PEX14: variants seen among roughly 807,000 people sequenced by gnomAD.
PEX14 encodes the protein peroxisomal biogenesis factor 14, also known as peroxisomal membrane protein PEX14.
PEX14 carries 15 observed loss-of-function variants against 49.5 expected under a neutral mutation model. That is an observed-to-expected ratio of 0.30 (90% CI 0.20 to 0.47). The LOEUF is 0.47. PEX14 is among the 20% of genes least tolerant of loss of function. The pLI is 1.00. For missense variants in PEX14, 398 were observed against 494.8 expected (o/e 0.80, Z 1.86); for synonymous variants, 210 against 212.7 (o/e 0.99, Z 0.11).
At position 10,580,154 on chromosome 1, in the gene PEX14, CAT is replaced by C. The variant is rs1229686876; in HGVS notation, c.170-19079_170-19078del. 3.3e-5 allele frequency among the ~76,000 whole-genome samples: 5 copies of C among 152,204 alleles called. 1 individual carries two copies. The highest frequency in any genetic ancestry group is 1.2e-4 in the African/African-American group (5 of 41,538). ...TGTAGTGTTAGATTTATAGTATACTCATATATTTATATGTAATGAACATTTTA... is the reference window on the plus strand; with the variant it reads ...TGTAGTGTTAGATTTATAGTATACTCATATTTATATGTAATGAACATTTTA... On this transcript the variant is annotated intron_variant, in intron 3 of 8. Coordinates refer to ENST00000356607, the MANE Select transcript of PEX14 (RefSeq NM_004565.3).
At chr1:10,526,458 A>G (rs138416935) in intron 2 of PEX14, among the ~76,000 whole-genome samples, 1,921 of 152,246 alleles carry the variant, frequency 0.013, 49 homozygotes, top group African/African-American at 0.044. Flanking sequence ...ATCTCAGGTC[A>G]TCTGCCCACC....
chr1:10,527,449 GGAGTTT>G (rs1638521447), intron 2 of PEX14, among the ~76,000 whole-genome samples: 1 of 150,442 alleles, frequency 6.6e-6, no homozygotes, highest in South Asian at 2.1e-4. Context: ...CCCGGGAGGT[GGAGTTT>G]GCAGTGAGCC....
chr1:10,599,517 C>CATTTGT, intron 4 of PEX14, 151 bp downstream of exon 4: 1 of 858,834 alleles, frequency 1.2e-6, no homozygotes, highest in Non-Finnish European at 2.0e-6. Context: ...ATGTGACACA[C>CATTTGT]CCCAGTCTTC....
chr1:10,565,688 A>C (rs1281296413), intron 3 of PEX14, among the ~76,000 whole-genome samples: 2 of 152,234 alleles, frequency 1.3e-5, no homozygotes, highest in African/African-American at 4.8e-5. Flanking sequence ...TTATATTCTC[A>C]ACTTTGGATC....
chr1:10,595,073 C>T (rs1640799286), intron 3 of PEX14, among the ~76,000 whole-genome samples: 1 of 151,992 alleles, frequency 6.6e-6, no homozygotes, highest in Non-Finnish European at 1.5e-5. Context: ...AGATGCTTGG[C>T]CCAGCTCCTA....
intron 1 of PEX14, among the ~76,000 whole-genome samples, chr1:10,493,162 T>C (rs553512274): frequency 3.9e-5 from 6 of 152,318 alleles, no homozygotes; most frequent in Admixed American, 2.0e-4. Flanking sequence ...TGAGGCCTTG[T>C]AGGCCACGCT....
intron 1 of PEX14, among the ~76,000 whole-genome samples, chr1:10,484,142 C>A (rs1272479768): frequency 6.7e-6 from 1 of 150,224 alleles, no homozygotes; most frequent in Admixed American, 6.7e-5. Context: ...GATTCCCCTG[C>A]CCCAGCCTTC....
chr1:10,566,041 T>C (rs1639795092), intron 3 of PEX14, among the ~76,000 whole-genome samples: 1 of 152,260 alleles, frequency 6.6e-6, no homozygotes, highest in African/African-American at 2.4e-5. Flanking sequence ...CAGCATCTTA[T>C]AGGGTATTTG....
intron 3 of PEX14, among the ~76,000 whole-genome samples, chr1:10,551,640 A>C (rs1282818784): frequency 6.6e-6 from 1 of 152,210 alleles, no homozygotes; most frequent in Non-Finnish European, 1.5e-5. Flanking sequence ...GTGGTGAACC[A>C]AGAATATACA....
At chr1:10,621,058 C>T (rs528299939) in intron 5 of PEX14, among the ~76,000 whole-genome samples, 6 of 152,298 alleles carry the variant, frequency 3.9e-5, no homozygotes, top group South Asian at 2.1e-4. Context: ...GGCACTCACA[C>T]GGAGCTGCCA....
intron 4 of PEX14, 77 bp from the exon 5 acceptor site, chr1:10,618,255 G>T: frequency 9.2e-7 from 1 of 1,087,070 alleles, no homozygotes; most frequent in South Asian, 1.3e-5. Context: ...CTGTGCCACT[G>T]AGGCACCTGT....
intron 7 of PEX14, 52 bp downstream of exon 7, chr1:10,624,489 C>G (rs1641689439): frequency 8.2e-7 from 1 of 1,226,506 alleles, no homozygotes; most frequent in Middle Eastern, 1.9e-4. Context: ...GTCCCATGTG[C>G]CCTTCACTCT....
chr1:10,537,548 T>C (rs1021667481), intron 3 of PEX14, among the ~76,000 whole-genome samples: 1 of 152,108 alleles, frequency 6.6e-6, no homozygotes, highest in Admixed American at 6.6e-5. Context: ...GCTGAGCTGA[T>C]TACCCGGGGT....
At chr1:10,608,837 G>A (rs1396049143) in intron 4 of PEX14, among the ~76,000 whole-genome samples, 1 of 152,004 alleles carries the variant, frequency 6.6e-6, no homozygotes, top group Non-Finnish European at 1.5e-5. Context: ...ACTTTACCGA[G>A]TGATGCAGCT....
In PEX14 at chr1:10,564,826, A is replaced by C. The variant is rs1019818323; in HGVS notation, c.169+28529A>C. Among the ~76,000 whole-genome samples the C allele has an allele frequency of 6.6e-5, 10 of 151,758 alleles. 1 individual carries two copies. Among genetic ancestry groups the C allele is most frequent in the Non-Finnish European group, 1.5e-4 (10 of 67,962 alleles). ...AATTAGTTCTTTTAAAGTCTTTGAT[A>C]AATTTTAACACTGGGCTATCTATGA... On this transcript the variant is annotated intron_variant, in intron 3 of 8. Coordinates refer to ENST00000356607, the MANE Select transcript of PEX14 (RefSeq NM_004565.3).
intron 1 of PEX14, among the ~76,000 whole-genome samples, chr1:10,490,458 A>T (rs565648606): frequency 4.6e-4 from 70 of 152,302 alleles, no homozygotes; most frequent in African/African-American, 1.6e-3. Context: ...AACGCCTTCC[A>T]GTTGGGGAAG....
At chr1:10,576,792 G>T (rs1272491290) in intron 3 of PEX14, among the ~76,000 whole-genome samples, 3 of 142,978 alleles carry the variant, frequency 2.1e-5, no homozygotes, top group Admixed American at 7.2e-5. Flanking sequence ...AATTTTGCTC[G>T]TATCGCCCAA....
At chr1:10,545,165 ATGT>A (rs1020440172) in intron 3 of PEX14, among the ~76,000 whole-genome samples, 1 of 152,264 alleles carries the variant, frequency 6.6e-6, no homozygotes, top group Non-Finnish European at 1.5e-5. Flanking sequence ...AAGTTTGGCC[ATGT>A]TGTTGTATAT....
intron 2 of PEX14, among the ~76,000 whole-genome samples, chr1:10,508,080 T>A (rs1641818056): frequency 6.6e-6 from 1 of 152,222 alleles, no homozygotes; most frequent in Non-Finnish European, 1.5e-5. Context: ...CCTGTCAGCA[T>A]TTCCCCCCAA....
Sources: gnomAD v4.1 joint callset for allele counts (sites outside exome capture counted in the v4.1 genomes callset) on GRCh38, gnomAD v4.1.1 for gene constraint, MANE v1.5 for transcripts, NCBI Gene and HGNC (gene_info 2026-07-23, HGNC 2026-07-21) for gene names.